The following KRT31 variants were observed in gnomAD, a reference collection of about 807,000 sequenced individuals.
The protein encoded by KRT31 is keratin, type I cuticular Ha1.
Under a neutral mutation model 40.8 loss-of-function variants are expected in KRT31, and 27 were observed. That is an observed-to-expected ratio of 0.66 (90% CI 0.49 to 0.91). The LOEUF is 0.91. KRT31 is among the 40% of genes least tolerant of loss of function. KRT31 has a pLI of 0.00. For synonymous variants in KRT31, 231 were observed against 231.9 expected, an observed-to-expected ratio of 1.00 and a Z score of 0.03; for missense variants, 510 against 544.1, an observed-to-expected ratio of 0.94 and a Z score of 0.62.
intron 6 of KRT31, 74 bp downstream of exon 6, chr17:41,394,774 A>G (rs2018188320): frequency 1.3e-6 from 2 of 1,589,742 alleles, no homozygotes; most frequent in Non-Finnish European, 1.7e-6. Context: ...CAAGGTATGC[A>G]ATATTTGCAT....
chr17:41,396,649 A>C, intron 2 of KRT31, 73 bp from the exon 3 acceptor site: 565 of 1,517,070 alleles, frequency 3.7e-4, no homozygotes, highest in Non-Finnish European at 4.6e-4. Context: ...TGATAACCTC[A>C]TGTGCCTTAT....
At position 41,393,934 on chromosome 17, in the gene KRT31, G is replaced by T. The variant is rs564579905; in HGVS notation, c.*82C>A. Reference sequence around the variant, plus strand: ...CCAGCCATGCAAATGATGTTTTCAGGCCCCTTTTGTTGAACCAGAGCCAGG... The same window carrying T: ...CCAGCCATGCAAATGATGTTTTCAGTCCCCTTTTGTTGAACCAGAGCCAGG... On this transcript the variant is annotated 3_prime_UTR_variant, in exon 7 of 7. Coordinates refer to ENST00000251645, the MANE Select transcript of KRT31 (RefSeq NM_002277.3). The T allele has an allele frequency of 1.4e-6, 2 of 1,473,486 alleles. No homozygotes were observed. The highest frequency in any genetic ancestry group is 2.4e-4 in the Middle Eastern group (1 of 4,156). 91.3% of individuals were successfully genotyped at this position (1,473,486 alleles called of 1,614,324 possible). A position where few individuals can be genotyped will look rare whatever the true frequency, so the allele number is the denominator to read the frequency against.
Position 41,395,620 on chromosome 17 carries a change from C to G in KRT31, c.592G>C (p.Val198Leu), listed in dbSNP as rs199879478. Reference sequence around the variant, plus strand: ...CCAAGCTGGCAGCGCAGGGTATTGACCTCCTATGGATGCAGAAAATACAAG... The same window carrying G: ...CCAAGCTGGCAGCGCAGGGTATTGAGCTCCTATGGATGCAGAAAATACAAG... ...LCLKSNHEQE[V>L]NTLRCQLGDR... Residue 198 changes from valine to leucine, a missense_variant, in exon 4 of 7, where the codon GTC becomes CTC. Physicochemically the swap from Val to Leu is conservative, Grantham distance 32. Transcript: ENST00000251645. The G allele has an allele frequency of 1.2e-6, 2 of 1,613,800 alleles. No individual in the cohort carries two copies. The highest frequency in any genetic ancestry group is 2.2e-5 in the East Asian group (1 of 44,890).
Position 41,394,844 on chromosome 17 carries a change from T to C in KRT31, c.1097+4A>G. ...TCATCAAACACGTCTGCCCATGTAC[T>C]CACTTGCAGTCCTCGCTCTCCAGCA... On this transcript the variant is annotated splice_donor_region_variant and intron_variant, in intron 6 of 6. Transcript: ENST00000251645. The C allele has an allele frequency of 6.2e-7, 1 of 1,614,032 alleles. No homozygotes were observed. The highest frequency in any genetic ancestry group is 8.5e-7 in the Non-Finnish European group (1 of 1,179,942).
chr17:41,396,219 T>G (rs1395383432), intron 3 of KRT31, among the ~76,000 whole-genome samples: 2 of 152,148 alleles, frequency 1.3e-5, no homozygotes, highest in Non-Finnish European at 2.9e-5. Context: ...TCAAATAATG[T>G]GCTAGTTTAA....
At position 41,394,952 on chromosome 17, in the gene KRT31, G is replaced by T. The variant is rs747946461; in HGVS notation, c.993C>A (p.Asp331Glu). 4 of 1,614,240 alleles carry T rather than the reference G, an allele frequency of 2.5e-6. No individual in the cohort carries two copies. The East Asian group carries it at 6.7e-5, about 27-fold the overall frequency. ...VESQLAEIRS[D>E]LERQNQEYQV... Reference sequence around the variant, plus strand: ...GGTACTCCTGGTTCTGCCGCTCCAGGTCACTGCGGATCTCCGCCAGCTGGG... The same window carrying T: ...GGTACTCCTGGTTCTGCCGCTCCAGTTCACTGCGGATCTCCGCCAGCTGGG... Residue 331 changes from aspartate to glutamate, a missense_variant, in exon 6 of 7, where the codon GAC becomes GAA. Asp to Glu is a conservative substitution (Grantham distance 45). Transcript: ENST00000251645.
chr17:41,396,042 A>T (rs1317836551), intron 3 of KRT31, among the ~76,000 whole-genome samples: 3 of 152,104 alleles, frequency 2.0e-5, no homozygotes, highest in Admixed American at 6.5e-5. Context: ...ACTCTTCACC[A>T]ATACTTTGAA....
chr17:41,396,103 G>T (rs1181540074), intron 3 of KRT31, among the ~76,000 whole-genome samples: 1 of 132,734 alleles, frequency 7.5e-6, no homozygotes. Context: ...CTTGGCCTTT[G>T]CCAAAAAAAA....
Position 41,394,169 on chromosome 17 carries a change from A to G in KRT31, c.1098T>C (p.Asn366=). 1 of 1,609,328 alleles carries G rather than the reference A, an allele frequency of 6.2e-7. No individual in the cohort carries two copies. Among genetic ancestry groups the G allele is most frequent in the Non-Finnish European group, 8.5e-7 (1 of 1,178,596 alleles). Reference sequence around the variant, plus strand: ...TCGTGGCACAGGGATTGCTGGGCAGACTGGAGACAAAAGAATGATGTGGAA... The same window carrying G: ...TCGTGGCACAGGGATTGCTGGGCAGGCTGGAGACAAAAGAATGATGTGGAA... ...YRSLLESEDC[N]LPSNPCATTN... is the part of the protein sequence containing the mutation. The change falls in exon 7 of 7, where the codon AAT becomes AAC. Residue 366 remains asparagine (N), a splice_region_variant and synonymous_variant. Coordinates refer to ENST00000251645, the MANE Select transcript of KRT31 (RefSeq NM_002277.3).
In KRT31 at chr17:41,397,242, A is replaced by G. The variant is rs139303550; in HGVS notation, c.298T>C (p.Cys100Arg). The G allele has an allele frequency of 4.3e-5, 69 of 1,614,098 alleles. No homozygotes were observed. The highest frequency in any genetic ancestry group is 1.4e-5 in the Non-Finnish European group (16 of 1,180,044). Reference protein sequence around the residue: ...ERSQQQEPLLCPSYQSYFKTI... With the variant: ...ERSQQQEPLLRPSYQSYFKTI... The stretch of plus-strand genomic sequence containing the variant: ...TTAAAATAGGACTGGTAACTGGGGC[A>G]CAGCAAGGGCTCCTGCTGCTGAGAC... The change falls in exon 1 of 7, where the codon TGC becomes CGC. Residue 100 changes from cysteine to arginine, a missense_variant. By Grantham distance (180) the Cys-to-Arg change is radical (BLOSUM62 -3). Coordinates refer to ENST00000251645, the MANE Select transcript of KRT31 (RefSeq NM_002277.3).
chr17:41,396,395 G>T, intron 3 of KRT31, 25 bp downstream of exon 3: 2 of 1,608,914 alleles, frequency 1.2e-6, no homozygotes, highest in Non-Finnish European at 1.7e-6. Flanking sequence ...AGACAGGTTT[G>T]TGCATTTCTC....
At chr17:41,394,819 T>C (rs372890277) in intron 6 of KRT31, 29 bp downstream of exon 6, 61 of 1,612,014 alleles carry the variant, frequency 3.8e-5, no homozygotes, top group Non-Finnish European at 5.0e-5. Context: ...GTGCATCATT[T>C]CATCAAACAC....
In KRT31 at chr17:41,395,369, G is replaced by A. The variant is rs953664609; in HGVS notation, c.752C>T (p.Thr251Ile). ...REVEQWFTTQTEELNKQVVSS... is the reference protein window; with the variant it reads ...REVEQWFTTQIEELNKQVVSS... The stretch of plus-strand genomic sequence containing the variant: ...TACCACCTGCTTGTTCAGCTCCTCG[G>A]TCTGAAACACCCAAGGGGAGAAAGG... Residue 251 changes from threonine to isoleucine, a missense_variant and splice_region_variant, in exon 5 of 7, where the codon ACC becomes ATC. Physicochemically the swap from Thr to Ile is moderately conservative, Grantham distance 89. Coordinates refer to ENST00000251645, the MANE Select transcript of KRT31 (RefSeq NM_002277.3). 1.9e-6 allele frequency: 3 copies of A among 1,614,042 alleles called. No individual in the cohort carries two copies. Among genetic ancestry groups the A allele is most frequent in the African/African-American group, 1.3e-5 (1 of 74,934 alleles).
intron 2 of KRT31, 55 bp downstream of exon 2, chr17:41,396,858 T>C: frequency 1.4e-6 from 2 of 1,414,874 alleles, no homozygotes; most frequent in Non-Finnish European, 2.0e-6. Flanking sequence ...AAATCCCTTT[T>C]CTTTAAAGAT....
rs2018206327 is a variant in KRT31 at position 41,395,381 on chromosome 17, CAAGGGGAGA to C, written c.751-20_751-12del. 1 of 1,614,020 alleles carries C rather than the reference CAAGGGGAGA, an allele frequency of 6.2e-7. No homozygotes were observed. Among genetic ancestry groups the C allele is most frequent in the Non-Finnish European group, 8.5e-7 (1 of 1,180,030 alleles). Reference sequence around the variant, plus strand: ...GTTCAGCTCCTCGGTCTGAAACACCCAAGGGGAGAAAGGATCAGACCCTGCCTCCGGGGC... The same window carrying C: ...GTTCAGCTCCTCGGTCTGAAACACCCAAGGATCAGACCCTGCCTCCGGGGC... On this transcript the variant is annotated splice_polypyrimidine_tract_variant and intron_variant, in intron 4 of 6. Coordinates refer to ENST00000251645, the MANE Select transcript of KRT31 (RefSeq NM_002277.3).
rs565048074 is a variant in KRT31 at position 41,396,520 on chromosome 17, C to CGCA, written c.485_487dup (p.Leu162dup). The CGCA allele has an allele frequency of 4.0e-4, 645 of 1,614,186 alleles. 3 individuals are homozygous for CGCA. The Middle Eastern group carries it at 6.8e-3, about 17-fold the overall frequency. ...CAGGGTCAGCTCATCCAGGATCCTG[C>CGCA]GCAGACCGTTGATGTCCGACTCCAC... is the stretch of plus-strand genomic sequence containing the variant. On this transcript the variant is annotated inframe_insertion, in exon 3 of 7. Coordinates refer to ENST00000251645, the MANE Select transcript of KRT31 (RefSeq NM_002277.3).
chr17:41,394,643 A>G (rs1438359565), intron 6 of KRT31, among the ~76,000 whole-genome samples: 2 of 152,222 alleles, frequency 1.3e-5, no homozygotes, highest in Admixed American at 1.3e-4. Context: ...TTGGCAGTGC[A>G]ATTTCAGTTT....
intron 4 of KRT31, 28 bp from the exon 5 acceptor site, chr17:41,395,398 A>G (rs1567681966): frequency 6.2e-7 from 1 of 1,614,140 alleles, no homozygotes. Flanking sequence ...AGAAAGGATC[A>G]GACCCTGCCT....
rs945095010 is a variant in KRT31 at position 41,393,808 on chromosome 17, G to A, written c.*208C>T. On this transcript the variant is annotated 3_prime_UTR_variant, in exon 7 of 7. Transcript: ENST00000251645. ...GAGTTCTCTGGGTGAGCATAGGAAG[G>A]AACAGACCCCCAGGAAGGAAAGGGT... 19 of 561,130 alleles carry A rather than the reference G, an allele frequency of 3.4e-5. No homozygotes were observed. The highest frequency in any genetic ancestry group is 4.9e-5 in the Non-Finnish European group (16 of 324,526). The allele number at this position is 561,130 out of a possible 1,614,324, so 34.8% of individuals were successfully genotyped here.
Sources: allele counts gnomAD v4.1 joint callset (sites outside exome capture counted in the v4.1 genomes callset), GRCh38; gene constraint gnomAD v4.1.1; transcripts MANE v1.5; gene names NCBI Gene and HGNC (gene_info 2026-07-23, HGNC 2026-07-21).